ZFYVE9: variants seen among roughly 807,000 people sequenced by gnomAD.
ZFYVE9 encodes the protein zinc finger FYVE domain-containing protein 9.
ZFYVE9 carries 43 observed loss-of-function variants against 126.7 expected under a neutral mutation model. The observed-to-expected ratio is 0.34, with a 90% CI of 0.27 to 0.44. ZFYVE9 has a LOEUF of 0.44. Ranked by LOEUF, ZFYVE9 falls within the 20% of genes least tolerant of loss-of-function variation. The pLI is 1.00. For missense variants in ZFYVE9, 1,476 were observed against 1,697.0 expected (o/e 0.87, Z 2.29); for synonymous variants, 521 against 597.4 (o/e 0.87, Z 1.87).
At chr1:52,251,560 C>T (rs1450140414) in intron 4 of ZFYVE9, among the ~76,000 whole-genome samples, 1 of 152,088 alleles carries the variant, frequency 6.6e-6, no homozygotes, top group Non-Finnish European at 1.5e-5. Context: ...ATCACTTGGT[C>T]ATGGTGTATA....
chr1:52,258,761 C>G (rs1434623855), intron 4 of ZFYVE9, among the ~76,000 whole-genome samples: 2 of 152,164 alleles, frequency 1.3e-5, no homozygotes, highest in Non-Finnish European at 2.9e-5. Context: ...TTCTAGCTAA[C>G]TCCTGTGCTT....
chr1:52,270,761 T>C (rs1439536873), intron 7 of ZFYVE9, among the ~76,000 whole-genome samples: 2 of 152,128 alleles, frequency 1.3e-5, no homozygotes, highest in Non-Finnish European at 2.9e-5. Flanking sequence ...ATTTGGGCCA[T>C]GTTTTACATG....
At chr1:52,182,085 G>A (rs1326778800) in intron 1 of ZFYVE9, among the ~76,000 whole-genome samples, 3 of 151,458 alleles carry the variant, frequency 2.0e-5, no homozygotes, top group South Asian at 2.1e-4. Context: ...TGCCCCGTCC[G>A]GAGGGAGGTG....
In ZFYVE9 at chr1:52,237,636, C is replaced by G; in HGVS notation, c.219C>G (p.Ser73=). The part of the protein sequence containing the change: ...NESQPQLKVF[S]LAHSAPLTTE... Reference sequence around the variant, plus strand: ...CACAACCACAACTGAAAGTCTTCTCCCTGGCTCATTCAGCTCCCCTGACCA... The same window carrying G: ...CACAACCACAACTGAAAGTCTTCTCGCTGGCTCATTCAGCTCCCCTGACCA... Residue 73 remains serine (S), a synonymous_variant, in exon 4 of 19, where the codon TCC becomes TCG. Coordinates refer to ENST00000287727, the MANE Select transcript of ZFYVE9 (RefSeq NM_004799.4). 1 of 1,614,066 alleles carries G rather than the reference C, an allele frequency of 6.2e-7. No individual in the cohort carries two copies. Among genetic ancestry groups the G allele is most frequent in the Non-Finnish European group, 8.5e-7 (1 of 1,179,966 alleles).
chr1:52,213,657 A>C (rs1645047227), intron 1 of ZFYVE9, among the ~76,000 whole-genome samples: 1 of 152,146 alleles, frequency 6.6e-6, no homozygotes, highest in Admixed American at 6.5e-5. Flanking sequence ...TCTCAAAAAA[A>C]AAAGAGGATT....
chr1:52,281,980 A>T (rs1645809873), intron 10 of ZFYVE9, among the ~76,000 whole-genome samples, 164 bp downstream of exon 10: 2 of 152,202 alleles, frequency 1.3e-5, no homozygotes, highest in Non-Finnish European at 2.9e-5. Flanking sequence ...TATAAATTTT[A>T]GTATTGTACC....
At chr1:52,216,162 T>C (rs1376515732) in intron 1 of ZFYVE9, among the ~76,000 whole-genome samples, 3 of 152,370 alleles carry the variant, frequency 2.0e-5, no homozygotes, top group Admixed American at 6.5e-5. Flanking sequence ...CTCTTCTTCA[T>C]TGAAACATTT....
chr1:52,179,083 T>A (rs1207857349), intron 1 of ZFYVE9, among the ~76,000 whole-genome samples: 2 of 152,162 alleles, frequency 1.3e-5, no homozygotes, highest in African/African-American at 4.8e-5. Context: ...GAATTATAGA[T>A]GTGAGACACT....
At chr1:52,181,612 G>A (rs1644704568) in intron 1 of ZFYVE9, among the ~76,000 whole-genome samples, 1 of 151,518 alleles carries the variant, frequency 6.6e-6, no homozygotes, top group African/African-American at 2.4e-5. Flanking sequence ...GTCTCTGCCC[G>A]CCCGCCATCC....
intron 13 of ZFYVE9, among the ~76,000 whole-genome samples, chr1:52,323,741 C>A (rs920406163): frequency 1.3e-5 from 2 of 152,074 alleles, no homozygotes; most frequent in Non-Finnish European, 2.9e-5. Flanking sequence ...TGGTGAAACC[C>A]ATCTCTACCA....
intron 4 of ZFYVE9, chr1:52,253,730 A>G (rs1038396367): frequency 1.9e-6 from 3 of 1,608,046 alleles, no homozygotes; most frequent in Non-Finnish European, 2.6e-6. Flanking sequence ...TCATCTTGCA[A>G]ACCAGGATTT....
Position 52,239,374 on chromosome 1 carries a change from G to C in ZFYVE9, c.1957G>C (p.Glu653Gln). 2 of 1,613,650 alleles carry C rather than the reference G, an allele frequency of 1.2e-6. No individual in the cohort carries two copies. Among genetic ancestry groups the C allele is most frequent in the Non-Finnish European group, 1.7e-6 (2 of 1,179,862 alleles). ...DTNGEHLESY[E>Q]AEISTRPCLA... ...AAATGGGGAACATTTAGAAAGTTAT[G>C]AGGCTGAGATCTCCACTAGACCATG... Residue 653 changes from glutamate (E) to glutamine (Q), a missense_variant, in exon 4 of 19, where the codon GAG (glutamate) becomes CAG (glutamine). Physicochemically the swap from Glu to Gln is conservative, Grantham distance 29. Around this residue, in one of 2 missense-constraint regions of ZFYVE9, gnomAD observed 807 missense variants for 794.6 expected, o/e 1.02. Transcript: ENST00000287727.
At chr1:52,232,185 A>AT (rs1645229694) in intron 2 of ZFYVE9, among the ~76,000 whole-genome samples, 1 of 152,172 alleles carries the variant, frequency 6.6e-6, no homozygotes. Context: ...TGCCTGTATT[A>AT]TATCAATAAG....
intron 1 of ZFYVE9, among the ~76,000 whole-genome samples, chr1:52,200,118 A>G (rs1644909832): frequency 6.6e-6 from 1 of 151,670 alleles, no homozygotes; most frequent in African/African-American, 2.4e-5. Flanking sequence ...ATGTTCTCCC[A>G]GTCTGTGGCT....
intron 1 of ZFYVE9, among the ~76,000 whole-genome samples, chr1:52,195,365 T>C (rs1572091529): frequency 6.6e-6 from 1 of 152,192 alleles, no homozygotes; most frequent in Admixed American, 6.5e-5. Context: ...TGTGTCACTG[T>C]GTGTGACCTT....
chr1:52,284,483 T>G (rs1473583223), intron 10 of ZFYVE9, among the ~76,000 whole-genome samples: 2 of 151,770 alleles, frequency 1.3e-5, no homozygotes, highest in East Asian at 3.9e-4. Flanking sequence ...GCAGTGGCGC[T>G]ATCTCAGCTC....
chr1:52,285,424 G>A (rs986750835), intron 10 of ZFYVE9, among the ~76,000 whole-genome samples: 2 of 152,176 alleles, frequency 1.3e-5, no homozygotes, highest in Non-Finnish European at 2.9e-5. Context: ...AGGCAAGCAA[G>A]TAAAGCTTCA....
chr1:52,158,878 C>T (rs144327934), intron 1 of ZFYVE9, among the ~76,000 whole-genome samples: 2,185 of 151,884 alleles, frequency 0.014, 48 homozygotes, highest in African/African-American at 0.038. Context: ...CTGTAAGCTC[C>T]GCCTCCCAGG....
chr1:52,337,916 A>C lies in ZFYVE9; in HGVS notation c.3815A>C (p.Asp1272Ala). 6.2e-7 allele frequency: 1 copy of C among 1,614,210 alleles called. No homozygotes were observed. The highest frequency in any genetic ancestry group is 1.7e-5 in the Admixed American group (1 of 60,024). Residue 1272 changes from aspartate (D) to alanine (A), a missense_variant, in exon 16 of 19, where the codon GAC (aspartate) becomes GCC (alanine). Around this residue, in one of 2 missense-constraint regions of ZFYVE9, gnomAD observed 669 missense variants for 902.4 expected, o/e 0.74. Transcript: ENST00000287727. The part of the protein sequence containing the change: ...EHIHIQWVDD[D>A]KNVSKGVVSP... Reference sequence around the variant, plus strand: ...ATCCACATCCAGTGGGTGGATGATGACAAGAACGTTAGCAAGGGGTAAATG... The same window carrying C: ...ATCCACATCCAGTGGGTGGATGATGCCAAGAACGTTAGCAAGGGGTAAATG...
Sources: gnomAD v4.1 joint callset for allele counts (sites outside exome capture counted in the v4.1 genomes callset) on GRCh38, gnomAD v4.1.1 for gene constraint, gnomAD v4.1.1 regional missense constraint, MANE v1.5 for transcripts, NCBI Gene and HGNC (gene_info 2026-07-23, HGNC 2026-07-21) for gene names.